The following EPS8L2 variants were observed in gnomAD, a reference collection of about 807,000 sequenced individuals.
The protein encoded by EPS8L2 is EPS8 signaling adaptor L2.
In EPS8L2, 81 loss-of-function variants were observed where a neutral mutation model predicts 99.4. That is an observed-to-expected ratio of 0.82 (90% CI 0.68 to 0.98). The LOEUF is 0.98. Among genes scored for constraint, EPS8L2 ranks in the 50% least tolerant of loss-of-function variants. The pLI is 0.00. For synonymous variants in EPS8L2, 509 were observed against 407.3 expected (o/e 1.25, Z -3.01); for missense variants, 1,155 against 968.8 (o/e 1.19, Z -2.55).
In EPS8L2 at chr11:709,432, T is replaced by C; in HGVS notation, c.25T>C (p.Cys9Arg). The C allele has an allele frequency of 6.3e-7, 1 of 1,596,058 alleles. No homozygotes were observed. The highest frequency in any genetic ancestry group is 8.5e-7 in the Non-Finnish European group (1 of 1,172,740). MSQSGAVS[C>R]CPGATNGSLG... is the part of the protein sequence containing the mutation. Reference sequence around the variant, plus strand: ...CATGAGCCAGTCCGGGGCCGTGAGCTGCTGCCCGGGTGCCACCAAGTGAGC... The same window carrying C: ...CATGAGCCAGTCCGGGGCCGTGAGCCGCTGCCCGGGTGCCACCAAGTGAGC... The change falls in exon 2 of 21, where the codon TGC (cysteine) becomes CGC (arginine). Residue 9 changes from cysteine (C) to arginine (R), a missense_variant. Coordinates refer to ENST00000318562, the MANE Select transcript of EPS8L2 (RefSeq NM_022772.4).
chr11:707,074 C>T (rs928430207), intron 1 of EPS8L2, among the ~76,000 whole-genome samples: 1 of 151,984 alleles, frequency 6.6e-6, no homozygotes, highest in Non-Finnish European at 1.5e-5. Context: ...AGTCCTGGGT[C>T]GGCTGTGCTG....
At chr11:713,176 C>T (rs1183650776) in intron 4 of EPS8L2, among the ~76,000 whole-genome samples, 6 of 152,200 alleles carry the variant, frequency 3.9e-5, no homozygotes, top group Non-Finnish European at 8.8e-5. Flanking sequence ...TTGGCCCTGA[C>T]AGTGGGTGGG....
Position 724,125 on chromosome 11 carries a change from A to G in EPS8L2, c.1455-599A>G, listed in dbSNP as rs1457435007. ...ATTTCCCTGAGCACCTGGACACGGG[A>G]GCTGCCCTGATGACCAGGGCCACAC... On this transcript the variant is annotated intron_variant, in intron 15 of 20. Coordinates refer to ENST00000318562, the MANE Select transcript of EPS8L2 (RefSeq NM_022772.4). The surrounding 1 kb of genome is among the most constrained non-coding windows in gnomAD (Gnocchi z 5.5). Among the ~76,000 whole-genome samples, 1 of 152,090 alleles carries G rather than the reference A, an allele frequency of 6.6e-6. No homozygotes were observed. The highest frequency in any genetic ancestry group is 1.5e-5 in the Non-Finnish European group (1 of 68,010).
chr11:720,529 C>T (rs1248190974), intron 5 of EPS8L2, 68 bp from the exon 6 acceptor site: 1 of 1,551,620 alleles, frequency 6.4e-7, no homozygotes. Context: ...TTGTCCACAG[C>T]TCCGGCCACT....
chr11:723,099 C>G (rs1862234736), intron 14 of EPS8L2, 142 bp from the exon 15 acceptor site: 2 of 588,822 alleles, frequency 3.4e-6, no homozygotes, highest in East Asian at 3.0e-5. Flanking sequence ...GCAACCCATG[C>G]TGGCATCACC....
At chr11:709,848 T>G in intron 3 of EPS8L2, 232 of 562,286 alleles carry the variant, frequency 4.1e-4, no homozygotes, top group East Asian at 6.7e-4. Context: ...TCAATATTGA[T>G]TCCGCTGCAC....
intron 3 of EPS8L2, 84 bp downstream of exon 3, chr11:709,692 A>C: frequency 6.8e-7 from 1 of 1,476,390 alleles, no homozygotes; most frequent in Non-Finnish European, 9.2e-7. Flanking sequence ...CTCCTGCCCC[A>C]CAGCTGTGCC....
rs1316795060 is a variant in EPS8L2, at chr11:726,511, G to A, written c.1934+27G>A. On this transcript the variant is annotated intron_variant, in intron 19 of 20. Transcript: ENST00000318562. ...TGAGCGGGGGCGGGGGATGAGCTGGGGCCCGGGCGAGGGGTGGGAGGTGCG... is the reference window on the plus strand; with the variant it reads ...TGAGCGGGGGCGGGGGATGAGCTGGAGCCCGGGCGAGGGGTGGGAGGTGCG... 8 of 1,530,312 alleles carry A rather than the reference G, an allele frequency of 5.2e-6. No individual in the cohort carries two copies. In the Middle Eastern group the frequency reaches 7.0e-4, roughly 133 times the overall value. 94.8% of individuals were successfully genotyped at this position (1,530,312 alleles called of 1,614,324 possible). A position where few individuals can be genotyped will look rare whatever the true frequency, so the allele number is the denominator to read the frequency against.
Position 709,563 on chromosome 11 carries a change from G to C in EPS8L2, c.55G>C (p.Gly19Arg). The change falls in exon 3 of 21, where the codon GGC becomes CGC. Residue 19 changes from glycine (G) to arginine (R), a missense_variant. Coordinates refer to ENST00000318562, the MANE Select transcript of EPS8L2 (RefSeq NM_022772.4). ...CCPGATNGSL[G>R]RSDGVAKMSP... ...GCCCCTCCCCTGCAGTGGCAGCCTG[G>C]GCCGGTCCGACGGTGTGGCCAAGAT... 6.2e-7 allele frequency: 1 copy of C among 1,613,056 alleles called. No homozygotes were observed. Among genetic ancestry groups the C allele is most frequent in the Non-Finnish European group, 8.5e-7 (1 of 1,179,948 alleles).
chr11:722,342 G>C (rs925230423), intron 12 of EPS8L2, 59 bp from the exon 13 acceptor site: 5 of 1,589,770 alleles, frequency 3.1e-6, no homozygotes, highest in Admixed American at 1.7e-5. Flanking sequence ...GTGGAGCTAC[G>C]GGGGTGCTGG....
intron 4 of EPS8L2, among the ~76,000 whole-genome samples, chr11:712,838 C>T (rs941050203): frequency 5.3e-5 from 8 of 152,210 alleles, no homozygotes; most frequent in African/African-American, 1.9e-4. Context: ...CTGGTGACTT[C>T]GGCCAGCTCA....
At chr11:714,025 C>T (rs1263780199) in intron 4 of EPS8L2, among the ~76,000 whole-genome samples, 3 of 152,202 alleles carry the variant, frequency 2.0e-5, no homozygotes, top group South Asian at 2.1e-4. Context: ...GTCACTGCGT[C>T]CGGCCTCCAT....
intron 4 of EPS8L2, among the ~76,000 whole-genome samples, chr11:715,045 A>G (rs746091345): frequency 9.2e-5 from 14 of 152,116 alleles, no homozygotes; most frequent in Non-Finnish European, 1.6e-4. Context: ...GATCAAGACC[A>G]TTCTGGCTAA....
intron 4 of EPS8L2, among the ~76,000 whole-genome samples, chr11:718,528 C>A (rs1350787501): frequency 6.6e-6 from 1 of 150,524 alleles, no homozygotes; most frequent in African/African-American, 2.4e-5. Context: ...CTCTGTTGCC[C>A]AGGCTCAGTG....
Position 710,139 on chromosome 11 carries a change from G to A in EPS8L2, c.101-283G>A, listed in dbSNP as rs7942569. 134,174 of 449,978 alleles carry A rather than the reference G, an allele frequency of 0.3. 20,724 individuals are homozygous for A. Among genetic ancestry groups the A allele is most frequent in the Admixed American group, 0.33 (8,950 of 27,160 alleles). 27.9% of individuals were successfully genotyped at this position (449,978 alleles called of 1,614,324 possible). ...CCCCCTTCCTGTCCCCTCACCCTCCGGGACAGAAACCCCCCGGGCACAGGC... is the reference window on the plus strand; with the variant it reads ...CCCCCTTCCTGTCCCCTCACCCTCCAGGACAGAAACCCCCCGGGCACAGGC... On this transcript the variant is annotated intron_variant, in intron 3 of 20. Coordinates refer to ENST00000318562, the MANE Select transcript of EPS8L2 (RefSeq NM_022772.4).
At chr11:721,828 G>T in intron 10 of EPS8L2, 75 bp from the exon 11 acceptor site, 1 of 1,518,658 alleles carries the variant, frequency 6.6e-7, no homozygotes, top group East Asian at 2.4e-5. Context: ...CACACAGATG[G>T]GCTGCGTGGG....
At chr11:722,923 C>A in intron 14 of EPS8L2, 118 bp downstream of exon 14, 1 of 594,484 alleles carries the variant, frequency 1.7e-6, no homozygotes, top group South Asian at 2.0e-5. Context: ...CCCTGACACC[C>A]ACCCCTCCCC....
Position 724,742 on chromosome 11 carries a change from A to C in EPS8L2, c.1473A>C (p.Pro491=). The C allele has an allele frequency of 6.2e-7, 1 of 1,613,294 alleles. No homozygotes were observed. Among genetic ancestry groups the C allele is most frequent in the Non-Finnish European group, 8.5e-7 (1 of 1,179,826 alleles). Residue 491 remains proline (P), a synonymous_variant, in exon 16 of 21, where the codon CCA becomes CCC. Coordinates refer to ENST00000318562, the MANE Select transcript of EPS8L2 (RefSeq NM_022772.4). This position sits in a 1 kb window ranked among gnomAD's most constrained non-coding sequence, Gnocchi z 5.5. ...CTCACAGGGGCTACCAGCCAACACC[A>C]GCCATGGCCAAGTACGTCAAGATCC... is the stretch of plus-strand genomic sequence containing the variant. ...PHTHRGYQPT[P]AMAKYVKILY...
rs767597522 is a variant in EPS8L2 at position 721,291 on chromosome 11, G to A, written c.707G>A (p.Arg236His). ...PQVPLSEPGFRRRESQEEPRA... is the reference protein window; with the variant it reads ...PQVPLSEPGFHRRESQEEPRA... The stretch of plus-strand genomic sequence containing the variant: ...CCGCCGTGTCCCCCATCAGGTTTCC[G>A]CCGTCGGGAGTCGCAGGAGGAGCCG... Residue 236 changes from arginine (R) to histidine (H), a missense_variant, in exon 9 of 21, where the codon CGC (arginine) becomes CAC (histidine). Coordinates refer to ENST00000318562, the MANE Select transcript of EPS8L2 (RefSeq NM_022772.4). 3.9e-6 allele frequency: 6 copies of A among 1,540,374 alleles called. No individual in the cohort carries two copies. In the African/African-American group the frequency reaches 4.1e-5, roughly 11 times the overall value.
Sources: gnomAD v4.1 joint callset for allele counts (sites outside exome capture counted in the v4.1 genomes callset) on GRCh38, gnomAD v4.1.1 for gene constraint, Gnocchi (gnomAD v3.1) non-coding constraint, MANE v1.5 for transcripts, NCBI Gene and HGNC (gene_info 2026-07-23, HGNC 2026-07-21) for gene names.